MYO9A: variants seen among roughly 807,000 people sequenced by gnomAD.
MYO9A encodes the protein myosin IXA.
MYO9A carries 103 observed loss-of-function variants against 293.3 expected under a neutral mutation model. The observed-to-expected ratio is 0.35, with a 90% CI of 0.30 to 0.41. MYO9A has a LOEUF of 0.41. MYO9A is among the 10% of genes least tolerant of loss of function. The probability of loss-of-function intolerance (pLI) is 1.00; values close to 1 mark genes in which losing one functional copy is unlikely to be tolerated. For missense variants in MYO9A, 2,685 were observed against 3,033.0 expected, an observed-to-expected ratio of 0.89 and a Z score of 2.69; for synonymous variants, 1,001 against 1,035.7, an observed-to-expected ratio of 0.97 and a Z score of 0.64.
chr15:71,959,641 G>A lies in MYO9A; in HGVS notation c.2182+260C>T, dbSNP rs536310681. 34 of 319,758 alleles carry A rather than the reference G, an allele frequency of 1.1e-4. 1 individual carries two copies. The South Asian group carries it at 2.4e-3, about 22-fold the overall frequency. 19.8% of individuals were successfully genotyped at this position (319,758 alleles called of 1,614,324 possible). ...AAAAATCCATGAACTAAGAGTAAAG[G>A]AAAAGAAAATGAACACTTCATGAAC... is the stretch of plus-strand genomic sequence containing the variant. On this transcript the variant is annotated intron_variant, in intron 14 of 41. Transcript: ENST00000356056.
chr15:71,840,775 G>A (rs35200902), intron 39 of MYO9A, among the ~76,000 whole-genome samples: 4,431 of 152,124 alleles, frequency 0.029, 104 homozygotes, highest in African/African-American at 0.058. Flanking sequence ...GACTACAGGC[G>A]CCTGCCACCA....
Position 72,045,706 on chromosome 15 carries a change from A to T in MYO9A, c.840+18T>A. ...AAAATCAAAATTAAAATCAAAAATA[A>T]GATTTCTATATATTTACCTCAAGTA... On this transcript the variant is annotated intron_variant, in intron 2 of 41. Transcript: ENST00000356056. The T allele has an allele frequency of 6.5e-7, 1 of 1,546,070 alleles. No homozygotes were observed. The highest frequency in any genetic ancestry group is 1.3e-5 in the South Asian group (1 of 78,600).
intron 33 of MYO9A, among the ~76,000 whole-genome samples, chr15:71,861,694 A>AAAC (rs1555464554): frequency 9.5e-5 from 14 of 147,650 alleles, no homozygotes; most frequent in African/African-American, 3.2e-4. Context: ...AAAAAAAAAA[A>AAAC]AAAAAAACAA....
Position 71,883,696 on chromosome 15 carries a change from G to C in MYO9A, c.5296C>G (p.Gln1766Glu). Reference protein sequence around the residue: ...AKMRFWAKGKQGEKKTTRVKP... With the variant: ...AKMRFWAKGKEGEKKTTRVKP... ...ACTCTGGTAGTCTTCTTCTCCCCTT[G>C]TTTCCCTTTGGCCCAGAATCTCATC... The change falls in exon 28 of 42, where the codon CAA becomes GAA. Residue 1766 changes from glutamine (Q) to glutamate (E), a missense_variant. Transcript: ENST00000356056. 1 of 1,613,160 alleles carries C rather than the reference G, an allele frequency of 6.2e-7. No homozygotes were observed. The highest frequency in any genetic ancestry group is 8.5e-7 in the Non-Finnish European group (1 of 1,179,576).
chr15:71,845,683 T>C (rs2055353898), intron 39 of MYO9A, among the ~76,000 whole-genome samples: 1 of 152,224 alleles, frequency 6.6e-6, no homozygotes, highest in South Asian at 2.1e-4. Context: ...ACATTTAGTT[T>C]TTAAAAAGTC....
rs368005061 is a variant in MYO9A, at chr15:71,897,769, T to G, written c.4734A>C (p.Ser1578=). The G allele has an allele frequency of 1.9e-6, 3 of 1,614,090 alleles. No individual in the cohort carries two copies. The highest frequency in any genetic ancestry group is 2.5e-6 in the Non-Finnish European group (3 of 1,180,010). ...KGELNVLGSL[S]LKDAALAQKD... is the part of the protein sequence containing the mutation. The stretch of plus-strand genomic sequence containing the variant: ...TTTGGGCAAGAGCTGCATCTTTTAA[T>G]GATAGGGACCCCAGTACATTAAGTT... Residue 1578 remains serine, a synonymous_variant, in exon 25 of 42, where the codon TCA becomes TCC. Coordinates refer to ENST00000356056, the MANE Select transcript of MYO9A (RefSeq NM_006901.4).
At chr15:72,033,024 G>C (rs1031046915) in intron 2 of MYO9A, among the ~76,000 whole-genome samples, 1 of 151,830 alleles carries the variant, frequency 6.6e-6, no homozygotes, top group Admixed American at 6.6e-5. Context: ...CTATTTTTTT[G>C]TATTTTAGTA....
chr15:71,824,681 G>T lies in MYO9A; in HGVS notation c.*1899C>A, dbSNP rs1380972578. On this transcript the variant is annotated 3_prime_UTR_variant, in exon 42 of 42. Transcript: ENST00000356056. ...CATTATTTATTACTCCTCAGGACAAGATGAACAAGGTGGCAGATGTCTGTG... is the reference window on the plus strand; with the variant it reads ...CATTATTTATTACTCCTCAGGACAATATGAACAAGGTGGCAGATGTCTGTG... The T allele has an allele frequency of 6.6e-6, 1 of 152,198 alleles. No individual in the cohort carries two copies. The highest frequency in any genetic ancestry group is 1.5e-5 in the Non-Finnish European group (1 of 68,036). The allele number at this position is 152,198 out of a possible 1,614,324, so 9.4% of individuals were successfully genotyped here.
chr15:71,960,215 C>T (rs1596285760), intron 13 of MYO9A, 119 bp from the exon 14 acceptor site: 1 of 877,214 alleles, frequency 1.1e-6, no homozygotes, highest in Non-Finnish European at 1.8e-6. Context: ...AATGTGATTC[C>T]CCCATGGTGG....
chr15:71,826,773 G>A lies in MYO9A; in HGVS notation c.7454C>T (p.Pro2485Leu). 6.2e-7 allele frequency: 1 copy of A among 1,614,102 alleles called. No homozygotes were observed. Residue 2485 changes from proline to leucine, a missense_variant, in exon 42 of 42, where the codon CCT (proline) becomes CTT (leucine). Transcript: ENST00000356056. ...GAAGGTTCCTCTGCTGATGAACTGA[G>A]GCTTGTCTTCCAGGAATTTGGTCTG... Reference protein sequence around the residue: ...LGQTKFLEDKPQFISRGTFNP... With the variant: ...LGQTKFLEDKLQFISRGTFNP...
At chr15:71,916,526 A>T in intron 18 of MYO9A, 34 bp from the exon 19 acceptor site, 2 of 1,582,880 alleles carry the variant, frequency 1.3e-6, no homozygotes, top group Non-Finnish European at 1.7e-6. Context: ...TGCTCACATA[A>T]ATTAATCTAA....
intron 19 of MYO9A, among the ~76,000 whole-genome samples, chr15:71,912,706 C>T (rs1000854495): frequency 6.6e-6 from 1 of 152,126 alleles, no homozygotes; most frequent in South Asian, 2.1e-4. Flanking sequence ...GTAATAAATT[C>T]TCTCAGCTTT....
At position 72,028,238 on chromosome 15, in the gene MYO9A, T is replaced by TATATATATAA. The variant is rs1490355481; in HGVS notation, c.936-446_936-445insTTATATATAT. On this transcript the variant is annotated intron_variant, in intron 3 of 41. Transcript: ENST00000356056. ...AAATAAATATATATATATATATATA[T>TATATATATAA]AAATATATATATGTACATACTATTA... Among the ~76,000 whole-genome samples, 225 of 144,638 alleles carry TATATATATAA rather than the reference T, an allele frequency of 1.6e-3. 1 individual carries two copies. The highest frequency in any genetic ancestry group is 5.5e-3 in the African/African-American group (215 of 39,274). The allele number at this position is 144,638 out of a possible 152,430, so 94.9% of individuals were successfully genotyped here. A position where few individuals can be genotyped will look rare whatever the true frequency, so the allele number is the denominator to read the frequency against.
Position 72,070,287 on chromosome 15 carries a change from C to CA in MYO9A, c.-71-23654dup, listed in dbSNP as rs1299379891. Among the ~76,000 whole-genome samples, 317 of 142,768 alleles carry CA rather than the reference C, an allele frequency of 2.2e-3. 1 individual carries two copies. Among genetic ancestry groups the CA allele is most frequent in the African/African-American group, 6.3e-3 (247 of 38,900 alleles). 93.7% of individuals were successfully genotyped at this position (142,768 alleles called of 152,430 possible). A position where few individuals can be genotyped will look rare whatever the true frequency, so the allele number is the denominator to read the frequency against. On this transcript the variant is annotated intron_variant, in intron 1 of 41. Coordinates refer to ENST00000356056, the MANE Select transcript of MYO9A (RefSeq NM_006901.4). The stretch of plus-strand genomic sequence containing the variant: ...TGAAACCCCATCCCTACTAAAACTA[C>CA]AAAAAAAAAACAAAAAACTACCCAG...
At chr15:72,031,761 T>C (rs1038437063) in intron 3 of MYO9A, among the ~76,000 whole-genome samples, 1 of 151,594 alleles carries the variant, frequency 6.6e-6, no homozygotes, top group African/African-American at 2.4e-5. Flanking sequence ...ATGAAGAATA[T>C]TGCTCACACA....
At chr15:72,044,307 G>A (rs1048571022) in intron 2 of MYO9A, among the ~76,000 whole-genome samples, 3 of 151,750 alleles carry the variant, frequency 2.0e-5, no homozygotes, top group Non-Finnish European at 2.9e-5. Flanking sequence ...TCAGGAGGCC[G>A]AGGCAGGAGA....
At chr15:71,933,462 A>G (rs2058537733) in intron 18 of MYO9A, among the ~76,000 whole-genome samples, 1 of 152,184 alleles carries the variant, frequency 6.6e-6, no homozygotes, top group Admixed American at 6.6e-5. Flanking sequence ...AAAATGGTAT[A>G]TATCACAAAT....
chr15:72,107,266 C>T (rs191831173), intron 1 of MYO9A, among the ~76,000 whole-genome samples: 2 of 152,228 alleles, frequency 1.3e-5, no homozygotes, highest in Admixed American at 6.5e-5. Flanking sequence ...AATACAATCT[C>T]GGCAGAGTGT....
rs2054465983 is a variant in MYO9A, at chr15:71,825,946, T to TCTGAG, written c.*629_*633dup. The TCTGAG allele has an allele frequency of 6.6e-6, 1 of 151,574 alleles. No individual in the cohort carries two copies. The highest frequency in any genetic ancestry group is 2.1e-4 in the South Asian group (1 of 4,792). The allele number at this position is 151,574 out of a possible 1,614,324, so 9.4% of individuals were successfully genotyped here. On this transcript the variant is annotated 3_prime_UTR_variant, in exon 42 of 42. Coordinates refer to ENST00000356056, the MANE Select transcript of MYO9A (RefSeq NM_006901.4). Reference sequence around the variant, plus strand: ...CTCTTCTTCACTGTATAACAAGATATCTGAGACACGCTCTGATGGCTTAAT... The same window carrying TCTGAG: ...CTCTTCTTCACTGTATAACAAGATATCTGAGCTGAGACACGCTCTGATGGCTTAAT...
Sources: allele counts gnomAD v4.1 joint callset (sites outside exome capture counted in the v4.1 genomes callset), GRCh38; gene constraint gnomAD v4.1.1; transcripts MANE v1.5; gene names NCBI Gene and HGNC (gene_info 2026-07-23, HGNC 2026-07-21).